Variants in MARVELD3 observed in about 807,000 individuals in gnomAD.
MARVELD3 encodes the protein MARVEL domain containing 3, also known as MARVEL domain-containing protein 3.
A neutral mutation model predicts 33.5 loss-of-function variants in MARVELD3; 28 were observed. The ratio of observed to expected loss-of-function variants is 0.84; its 90% CI spans 0.62 to 1.15. MARVELD3 has a LOEUF of 1.15. Ranked by LOEUF, MARVELD3 falls within the 50% of genes most tolerant of loss-of-function variation. MARVELD3 has a pLI of 0.00. For synonymous variants in MARVELD3, 241 were observed against 230.4 expected (o/e 1.05, Z -0.42); for missense variants, 582 against 547.6 (o/e 1.06, Z -0.63).
chr16:71,629,737 G>T (rs2044510244), intron 2 of MARVELD3: 3 of 472,584 alleles, frequency 6.3e-6, no homozygotes, highest in South Asian at 1.0e-4. Context: ...GCAAAGGCAA[G>T]CAGCCATGTT....
At chr16:71,632,079 A>G (rs2145277654) in intron 2 of MARVELD3, among the ~76,000 whole-genome samples, 1 of 152,302 alleles carries the variant, frequency 6.6e-6, no homozygotes, top group African/African-American at 2.4e-5. Context: ...GTATTATTCC[A>G]TTAACATGAT....
intron 2 of MARVELD3, 148 bp downstream of exon 2, chr16:71,629,642 TA>T (rs533759724): frequency 0.15 from 47,133 of 321,170 alleles, 447 homozygotes; most frequent in Middle Eastern, 0.16. Context: ...CTTGTTTTCT[TA>T]AAAAAAAAAA....
downstream of MARVELD3, chr16:71,641,287 T>TACTAAAAATACAA: frequency 2.5e-6 from 1 of 407,284 alleles, no homozygotes; most frequent in Non-Finnish European, 4.4e-6. Flanking sequence ...ACCCTGTCTC[T>TACTAAAAATACAA]ACTAAAAATA....
downstream of MARVELD3, chr16:71,640,880 C>A: frequency 6.2e-7 from 1 of 1,614,172 alleles, no homozygotes; most frequent in South Asian, 1.1e-5. Context: ...CAGCAGCCAC[C>A]TTTGCTTGTC....
chr16:71,632,050 C>T (rs1287233593), intron 2 of MARVELD3, among the ~76,000 whole-genome samples: 2 of 152,138 alleles, frequency 1.3e-5, no homozygotes, highest in Non-Finnish European at 2.9e-5. Context: ...AGAAACCACA[C>T]ACACAAAAGG....
chr16:71,635,597 A>C lies in MARVELD3; in HGVS notation c.*794A>C, dbSNP rs1308029850. Reference sequence around the variant, plus strand: ...ACTCTAGCCTGAGCAACAGACCAAGACCGTATTGCCAAAATACCAAAAAAA... The same window carrying C: ...ACTCTAGCCTGAGCAACAGACCAAGCCCGTATTGCCAAAATACCAAAAAAA... On this transcript the variant is annotated 3_prime_UTR_variant, in exon 3 of 3. Coordinates refer to ENST00000268485, the MANE Select transcript of MARVELD3 (RefSeq NM_052858.6). 1 of 983,638 alleles carries C rather than the reference A, an allele frequency of 1.0e-6. No homozygotes were observed. Among genetic ancestry groups the C allele is most frequent in the Non-Finnish European group, 1.2e-6 (1 of 829,066 alleles). The allele number at this position is 983,638 out of a possible 1,614,324, so 60.9% of individuals were successfully genotyped here.
rs1197251843 is a variant in MARVELD3, at chr16:71,626,707, C to T, written c.467+11C>T. 2 of 1,442,376 alleles carry T rather than the reference C, an allele frequency of 1.4e-6. No homozygotes were observed. The highest frequency in any genetic ancestry group is 1.8e-6 in the Non-Finnish European group (2 of 1,105,400). The allele number at this position is 1,442,376 out of a possible 1,614,324, so 89.3% of individuals were successfully genotyped here. A position where few individuals can be genotyped will look rare whatever the true frequency, so the allele number is the denominator to read the frequency against. On this transcript the variant is annotated intron_variant, in intron 1 of 2. Coordinates refer to ENST00000268485, the MANE Select transcript of MARVELD3 (RefSeq NM_052858.6). The surrounding 1 kb of genome is among the most constrained non-coding windows in gnomAD (Gnocchi z 5.3). Reference sequence around the variant, plus strand: ...CCGCAGACCCGAAAGGTGAGAGGGGCCGGGGCGCTGCGACCTCCGCGCCGG... The same window carrying T: ...CCGCAGACCCGAAAGGTGAGAGGGGTCGGGGCGCTGCGACCTCCGCGCCGG...
chr16:71,627,162 G>A (rs1335855111), intron 1 of MARVELD3, among the ~76,000 whole-genome samples: 1 of 152,222 alleles, frequency 6.6e-6, no homozygotes, highest in African/African-American at 2.4e-5. Context: ...GAAGCCCGAT[G>A]AAGAGTTAAT....
chr16:71,641,728 T>C (rs1227035467), exon 3 of MARVELD3: 1 of 151,992 alleles, frequency 6.6e-6, no homozygotes, highest in African/African-American at 2.4e-5. Flanking sequence ...CACTCCAGCC[T>C]GGGTAACAGA....
chr16:71,640,708 C>T, downstream of MARVELD3: 1 of 1,614,236 alleles, frequency 6.2e-7, no homozygotes, highest in Middle Eastern at 1.6e-4. Flanking sequence ...ACGGAGGCCG[C>T]CTTCAGCCTC....
rs749364359 is a variant in MARVELD3, at chr16:71,634,439, C to T, written c.842C>T (p.Thr281Ile). 15 of 1,614,136 alleles carry T rather than the reference C, an allele frequency of 9.3e-6. No homozygotes were observed. In the Admixed American group the frequency reaches 1.5e-4, roughly 16 times the overall value. The change falls in exon 3 of 3, where the codon ACA becomes ATA. Residue 281 changes from threonine to isoleucine, a missense_variant. Thr to Ile is a moderately conservative substitution (Grantham distance 89, BLOSUM62 -1). Coordinates refer to ENST00000268485, the MANE Select transcript of MARVELD3 (RefSeq NM_052858.6). Reference protein sequence around the residue: ...TVAMACSGALTALCCLFVAMG... With the variant: ...TVAMACSGALIALCCLFVAMG... ...GCAATGGCCTGTAGTGGAGCCCTCA[C>T]AGCCCTCTGCTGCCTCTTCGTTGCC...
In MARVELD3 at chr16:71,635,834, A is replaced by G. The variant is rs2044578230; in HGVS notation, c.*1031A>G. On this transcript the variant is annotated 3_prime_UTR_variant, in exon 3 of 3. Transcript: ENST00000268485. Reference sequence around the variant, plus strand: ...AGTTGGAGGTAGGCGTGGGCTGAGGAAAGAGGAATCAGATTAATTCTCTGG... The same window carrying G: ...AGTTGGAGGTAGGCGTGGGCTGAGGGAAGAGGAATCAGATTAATTCTCTGG... 1.0e-6 allele frequency: 1 copy of G among 985,290 alleles called. No homozygotes were observed. Among genetic ancestry groups the G allele is most frequent in the Admixed American group, 6.2e-5 (1 of 16,256 alleles). 61.0% of individuals were successfully genotyped at this position (985,290 alleles called of 1,614,324 possible).
chr16:71,629,874 C>T (rs1257591852), intron 2 of MARVELD3, among the ~76,000 whole-genome samples: 3 of 152,058 alleles, frequency 2.0e-5, no homozygotes, highest in Admixed American at 2.0e-4. Flanking sequence ...AGTCACCTGG[C>T]GTGGGCAGCC....
In MARVELD3 at chr16:71,635,402, C is replaced by G. The variant is rs1028152131; in HGVS notation, c.*599C>G. 1.0e-6 allele frequency: 1 copy of G among 984,874 alleles called. No individual in the cohort carries two copies. The highest frequency in any genetic ancestry group is 1.2e-6 in the Non-Finnish European group (1 of 829,900). 61.0% of individuals were successfully genotyped at this position (984,874 alleles called of 1,614,324 possible). A position where few individuals can be genotyped will look rare whatever the true frequency, so the allele number is the denominator to read the frequency against. ...AAGCATGTACTACAACAGAGTGCAC[C>G]TCTTCATTCAGTAAAGGGAGGTCAC... On this transcript the variant is annotated 3_prime_UTR_variant, in exon 3 of 3. Transcript: ENST00000268485.
At chr16:71,640,999 C>T (rs751931733), downstream of MARVELD3, 11 of 1,610,398 alleles carry the variant, frequency 6.8e-6, no homozygotes, top group East Asian at 4.5e-5. Flanking sequence ...AGTGATGCAC[C>T]GGAATATCTG....
In MARVELD3 at chr16:71,635,383, GTAC is replaced by G; in HGVS notation, c.*584_*586del. On this transcript the variant is annotated 3_prime_UTR_variant, in exon 3 of 3. Transcript: ENST00000268485. ...CCCAAGAGCCACAAGGAAAAAGCAT[GTAC>G]TACAACAGAGTGCACCTCTTCATTC... 1 of 984,610 alleles carries G rather than the reference GTAC, an allele frequency of 1.0e-6. No homozygotes were observed. The highest frequency in any genetic ancestry group is 1.2e-6 in the Non-Finnish European group (1 of 830,126). 61.0% of individuals were successfully genotyped at this position (984,610 alleles called of 1,614,324 possible).
Position 71,626,651 on chromosome 16 carries a change from C to T in MARVELD3, c.422C>T (p.Pro141Leu), listed in dbSNP as rs1482211237. ...GPAPWEAPEPPQPQRKGDPGR... is the reference protein window; with the variant it reads ...GPAPWEAPEPLQPQRKGDPGR... Reference sequence around the variant, plus strand: ...GCGCCCTGGGAAGCCCCGGAGCCGCCGCAGCCGCAGAGGAAGGGAGACCCC... The same window carrying T: ...GCGCCCTGGGAAGCCCCGGAGCCGCTGCAGCCGCAGAGGAAGGGAGACCCC... The change falls in exon 1 of 3, where the codon CCG becomes CTG. Residue 141 changes from proline (P) to leucine (L), a missense_variant. Pro to Leu is a moderately conservative substitution (Grantham distance 98). Transcript: ENST00000268485. The surrounding 1 kb of genome is among the most constrained non-coding windows in gnomAD (Gnocchi z 5.3). The T allele has an allele frequency of 2.0e-6, 3 of 1,533,144 alleles. No individual in the cohort carries two copies. The highest frequency in any genetic ancestry group is 2.6e-6 in the Non-Finnish European group (3 of 1,143,168). The allele number at this position is 1,533,144 out of a possible 1,614,324, so 95.0% of individuals were successfully genotyped here. A position where few individuals can be genotyped will look rare whatever the true frequency, so the allele number is the denominator to read the frequency against.
downstream of MARVELD3, among the ~76,000 whole-genome samples, chr16:71,637,177 T>C (rs2044586929): frequency 6.6e-6 from 1 of 152,146 alleles, no homozygotes; most frequent in South Asian, 2.1e-4. Context: ...ACAGTCCGAA[T>C]ATCATTGGAC....
intron 2 of MARVELD3, among the ~76,000 whole-genome samples, chr16:71,632,553 C>T (rs1175841294): frequency 4.0e-5 from 6 of 150,906 alleles, no homozygotes; most frequent in African/African-American, 7.3e-5. Flanking sequence ...ATTCAGTAAG[C>T]ATTAAGGGTT....
Sources: allele counts gnomAD v4.1 joint callset (sites outside exome capture counted in the v4.1 genomes callset), GRCh38; gene constraint gnomAD v4.1.1; non-coding constraint Gnocchi (gnomAD v3.1); transcripts MANE v1.5; gene names NCBI Gene and HGNC (gene_info 2026-07-23, HGNC 2026-07-21).